The following LRRC4C variants were observed in gnomAD, a reference collection of about 807,000 sequenced individuals.
The protein encoded by LRRC4C is leucine-rich repeat-containing protein 4C.
In LRRC4C, 5 loss-of-function variants were observed where a neutral mutation model predicts 33.6. That is an observed-to-expected ratio of 0.15 (90% CI 0.08 to 0.31). The LOEUF is 0.31. Ranked by LOEUF, LRRC4C falls within the 10% of genes least tolerant of loss-of-function variation. The pLI is 1.00. For missense variants in LRRC4C, 560 were observed against 796.7 expected (o/e 0.70, Z 3.58); for synonymous variants, 329 against 302.0 (o/e 1.09, Z -0.93).
At chr11:40,924,944 T>C (rs944817702) in intron 2 of LRRC4C, among the ~76,000 whole-genome samples, 9 of 152,170 alleles carry the variant, frequency 5.9e-5, no homozygotes, top group Admixed American at 3.3e-4. Context: ...GTTTGATCAT[T>C]ACACATCATT....
At chr11:40,871,026 G>A (rs61886585) in intron 2 of LRRC4C, among the ~76,000 whole-genome samples, 20,537 of 152,036 alleles carry the variant, frequency 0.14, 1,547 homozygotes, top group African/African-American at 0.19. Flanking sequence ...GTCTTTTATG[G>A]TCGAAGCTGT....
At chr11:40,525,627 CTTTA>C (rs1456812137) in intron 3 of LRRC4C, among the ~76,000 whole-genome samples, 1 of 152,114 alleles carries the variant, frequency 6.6e-6, no homozygotes, top group Non-Finnish European at 1.5e-5. Context: ...GGAGGAATTA[CTTTA>C]TTTATGCACT....
chr11:40,295,791 A>G (rs921438588), intron 4 of LRRC4C, among the ~76,000 whole-genome samples: 2 of 152,202 alleles, frequency 1.3e-5, no homozygotes, highest in East Asian at 1.9e-4. Context: ...CTCGAGGGTT[A>G]ATGGCATTGC....
At chr11:40,116,451 A>G in intron 6 of LRRC4C, 117 bp from the exon 7 acceptor site, 3 of 1,071,210 alleles carry the variant, frequency 2.8e-6, no homozygotes, top group Non-Finnish European at 3.9e-6. Flanking sequence ...GAGACAAATT[A>G]AAAACAAATC....
At chr11:40,398,564 C>T (rs1221646623) in intron 3 of LRRC4C, among the ~76,000 whole-genome samples, 1 of 151,988 alleles carries the variant, frequency 6.6e-6, no homozygotes, top group Non-Finnish European at 1.5e-5. Context: ...GGATGTAACT[C>T]TGATATTTTC....
At chr11:40,808,013 T>G (rs994880739) in intron 2 of LRRC4C, among the ~76,000 whole-genome samples, 1 of 152,220 alleles carries the variant, frequency 6.6e-6, no homozygotes, top group African/African-American at 2.4e-5. Context: ...TTTTTTATCA[T>G]GAGCAAGTGA....
chr11:40,807,397 A>C (rs1390449500), intron 2 of LRRC4C, among the ~76,000 whole-genome samples: 2 of 152,170 alleles, frequency 1.3e-5, no homozygotes, highest in African/African-American at 2.4e-5. Context: ...GAGGGAAACA[A>C]ACAAACCGTG....
intron 1 of LRRC4C, among the ~76,000 whole-genome samples, chr11:41,181,374 A>G (rs1945442040): frequency 1.3e-5 from 2 of 151,416 alleles, no homozygotes; most frequent in African/African-American, 2.4e-5. Flanking sequence ...CCAGAGGGGG[A>G]AAAAAAGGCA....
intron 3 of LRRC4C, among the ~76,000 whole-genome samples, chr11:40,597,240 A>G (rs989084355): frequency 1.3e-5 from 2 of 152,152 alleles, no homozygotes; most frequent in Non-Finnish European, 2.9e-5. Context: ...ATTGACTATC[A>G]TCAATTATAT....
chr11:40,969,880 C>G (rs150523514), intron 1 of LRRC4C, among the ~76,000 whole-genome samples: 1 of 152,228 alleles, frequency 6.6e-6, no homozygotes, highest in East Asian at 1.9e-4. Flanking sequence ...CAGACATTAT[C>G]CCCTTCAGTT....
chr11:41,384,069 T>C (rs750368228), intron 1 of LRRC4C, among the ~76,000 whole-genome samples: 5 of 151,946 alleles, frequency 3.3e-5, no homozygotes, highest in Non-Finnish European at 7.4e-5. Context: ...ATTTTGGTAA[T>C]GAAAGATCTT....
chr11:41,339,920 G>T (rs1951575820), intron 1 of LRRC4C, among the ~76,000 whole-genome samples: 2 of 152,102 alleles, frequency 1.3e-5, no homozygotes, highest in Non-Finnish European at 2.9e-5. Context: ...CTCAGTGAAG[G>T]TCAAACAAAT....
intron 5 of LRRC4C, among the ~76,000 whole-genome samples, chr11:40,191,472 A>T (rs1861836920): frequency 6.6e-6 from 1 of 152,150 alleles, no homozygotes; most frequent in Non-Finnish European, 1.5e-5. Context: ...TGATTGTGGC[A>T]ATTCCCATTC....
intron 1 of LRRC4C, among the ~76,000 whole-genome samples, chr11:41,057,802 A>G (rs1318304876): frequency 6.6e-6 from 1 of 152,180 alleles, no homozygotes; most frequent in African/African-American, 2.4e-5. Flanking sequence ...TGGGACAACC[A>G]GCTGCAGAAA....
intron 1 of LRRC4C, among the ~76,000 whole-genome samples, chr11:41,143,888 G>A (rs1055526846): frequency 6.6e-6 from 1 of 152,148 alleles, no homozygotes; most frequent in African/African-American, 2.4e-5. Flanking sequence ...CATATTCCTG[G>A]TCAAAGTCAG....
In LRRC4C at chr11:40,156,249, C is replaced by T. The variant is rs529333670; in HGVS notation, c.-95-15396G>A. ...GACAAACCCACAGCCAACATAATAC[C>T]GAATGGGGAAAAGTTGAAAGCATTC... On this transcript the variant is annotated intron_variant, in intron 5 of 6. Transcript: ENST00000528697. Among the ~76,000 whole-genome samples the T allele has an allele frequency of 6.6e-5, 10 of 152,146 alleles. 1 individual carries two copies. The South Asian group carries it at 8.3e-4, about 13-fold the overall frequency.
chr11:41,181,734 T>C (rs1480578263), intron 1 of LRRC4C, among the ~76,000 whole-genome samples: 1 of 152,196 alleles, frequency 6.6e-6, no homozygotes, highest in Non-Finnish European at 1.5e-5. Flanking sequence ...TCATCTCTTT[T>C]CTAGTCCTTC....
chr11:40,766,138 G>T (rs962347838), intron 2 of LRRC4C, among the ~76,000 whole-genome samples: 1 of 149,990 alleles, frequency 6.7e-6, no homozygotes, highest in African/African-American at 2.4e-5. Flanking sequence ...AGACTTCTCA[G>T]TGGAAACCTC....
chr11:40,180,355 A>C (rs775786421), intron 5 of LRRC4C, among the ~76,000 whole-genome samples: 7 of 152,348 alleles, frequency 4.6e-5, no homozygotes, highest in Non-Finnish European at 7.3e-5. Flanking sequence ...TGATGAGTTC[A>C]GCAATTTATA....
Sources: gnomAD v4.1 joint callset for allele counts (sites outside exome capture counted in the v4.1 genomes callset) on GRCh38, gnomAD v4.1.1 for gene constraint, MANE v1.5 for transcripts, NCBI Gene and HGNC (gene_info 2026-07-23, HGNC 2026-07-21) for gene names.